The following APBA1 variants were observed in gnomAD, a reference collection of about 807,000 sequenced individuals.
APBA1 encodes the protein amyloid-beta A4 precursor protein-binding family A member 1.
In APBA1, 55 loss-of-function variants were observed where a neutral mutation model predicts 86.6. The ratio of observed to expected loss-of-function variants is 0.64; its 90% CI spans 0.51 to 0.80. APBA1 has a LOEUF of 0.80. APBA1 is among the 30% of genes least tolerant of loss of function. APBA1 has a pLI of 0.00. For synonymous variants in APBA1, 511 were observed against 493.9 expected (o/e 1.03, Z -0.46); for missense variants, 1,090 against 1,183.0 (o/e 0.92, Z 1.15).
chr9:69,527,971 A>G (rs1836369320), intron 1 of APBA1, among the ~76,000 whole-genome samples: 1 of 152,166 alleles, frequency 6.6e-6, no homozygotes, highest in Non-Finnish European at 1.5e-5. Flanking sequence ...ATGTTCTCCA[A>G]ATATCAAGTA....
At chr9:69,456,992 G>C (rs1018654637) in intron 7 of APBA1, 61 bp downstream of exon 7, 59 of 1,362,108 alleles carry the variant, frequency 4.3e-5, no homozygotes, top group Non-Finnish European at 6.1e-5. Flanking sequence ...ACAGACACAT[G>C]CATCTCTGAG....
chr9:69,616,231 A>G (rs769397283), intron 1 of APBA1, among the ~76,000 whole-genome samples: 3 of 152,154 alleles, frequency 2.0e-5, no homozygotes, highest in Non-Finnish European at 2.9e-5. Context: ...AAATCACTCT[A>G]TATTTCTTGT....
At position 69,602,552 on chromosome 9, in the gene APBA1, C is replaced by T. The variant is rs566156913; in HGVS notation, c.-70+69601G>A. On this transcript the variant is annotated intron_variant, in intron 1 of 12. Transcript: ENST00000265381. ...CGCCACTGCATTCCAGCCTGGGTGA[C>T]GGAGAGAGACTCTGTCTCATTAAAA... Among the ~76,000 whole-genome samples, 197 of 151,540 alleles carry T rather than the reference C, an allele frequency of 1.3e-3. 1 individual carries two copies. Among genetic ancestry groups the T allele is most frequent in the African/African-American group, 4.6e-3 (188 of 41,258 alleles).
chr9:69,457,351 G>A (rs373879344), intron 6 of APBA1, among the ~76,000 whole-genome samples: 3 of 152,148 alleles, frequency 2.0e-5, no homozygotes, highest in African/African-American at 4.8e-5. Context: ...GGAAAAATGC[G>A]GAATCCCCTT....
chr9:69,591,458 A>G lies in APBA1; in HGVS notation c.-69-74179T>C, dbSNP rs1049375365. ...GTCTGCCACTTCTTCTGAATGCTCA[A>G]CATAGAAGCTTGTCAACAATATGAA... On this transcript the variant is annotated intron_variant, in intron 1 of 12. Coordinates refer to ENST00000265381, the MANE Select transcript of APBA1 (RefSeq NM_001163.4). Among the ~76,000 whole-genome samples, 8 of 152,354 alleles carry G rather than the reference A, an allele frequency of 5.3e-5. 1 individual carries two copies. The highest frequency in any genetic ancestry group is 4.4e-5 in the Non-Finnish European group (3 of 68,030).
rs73647217 is a variant in APBA1 at position 69,430,560 on chromosome 9, T to A, written c.*767A>T. Reference sequence around the variant, plus strand: ...GGGACTGTGTGTGTGTGTGTGTGTGTGAGAGAGAGAGAAGCAGACAGTACC... The same window carrying A: ...GGGACTGTGTGTGTGTGTGTGTGTGAGAGAGAGAGAGAAGCAGACAGTACC... On this transcript the variant is annotated 3_prime_UTR_variant, in exon 13 of 13. Transcript: ENST00000265381. The A allele has an allele frequency of 2.2e-3, 312 of 140,212 alleles. 2 individuals are homozygous for A. The highest frequency in any genetic ancestry group is 3.2e-3 in the East Asian group (15 of 4,680). 8.7% of individuals were successfully genotyped at this position (140,212 alleles called of 1,614,324 possible).
At chr9:69,485,925 C>T (rs1007593594) in intron 2 of APBA1, among the ~76,000 whole-genome samples, 1 of 152,002 alleles carries the variant, frequency 6.6e-6, no homozygotes, top group African/African-American at 2.4e-5. Flanking sequence ...ATAAAAGTAT[C>T]CCAAGGCAAA....
chr9:69,553,619 C>G (rs1836820864), intron 1 of APBA1, among the ~76,000 whole-genome samples: 1 of 152,192 alleles, frequency 6.6e-6, no homozygotes, highest in Non-Finnish European at 1.5e-5. Flanking sequence ...CATTATTTTA[C>G]TGATGCACAT....
intron 1 of APBA1, among the ~76,000 whole-genome samples, chr9:69,556,382 C>A (rs1256018011): frequency 6.6e-6 from 1 of 152,058 alleles, no homozygotes; most frequent in Non-Finnish European, 1.5e-5. Flanking sequence ...CAGAGAGATC[C>A]TGGACACACC....
In APBA1 at chr9:69,600,169, C is replaced by G. The variant is rs370425625; in HGVS notation, c.-70+71984G>C. ...AAAATTGGGACTCCTGTTAACTCCCCTCTCTCTGCCTTCAAGGAAATGCAA... is the reference window on the plus strand; with the variant it reads ...AAAATTGGGACTCCTGTTAACTCCCGTCTCTCTGCCTTCAAGGAAATGCAA... On this transcript the variant is annotated intron_variant, in intron 1 of 12. Coordinates refer to ENST00000265381, the MANE Select transcript of APBA1 (RefSeq NM_001163.4). Among the ~76,000 whole-genome samples, 14 of 152,292 alleles carry G rather than the reference C, an allele frequency of 9.2e-5. No homozygotes were observed. In the South Asian group the frequency reaches 1.4e-3, roughly 16 times the overall value.
chr9:69,650,278 AG>A (rs1823472212), intron 1 of APBA1, among the ~76,000 whole-genome samples: 1 of 152,222 alleles, frequency 6.6e-6, no homozygotes, highest in African/African-American at 2.4e-5. Flanking sequence ...GAGTTAATGT[AG>A]GTTAAGTGCT....
chr9:69,551,021 G>A lies in APBA1; in HGVS notation c.-69-33742C>T, dbSNP rs567836804. Reference sequence around the variant, plus strand: ...AATATCTTAAAACCTTATCAGGAGCGTGTTAAACCTTAGCTATGAGAAAAA... The same window carrying A: ...AATATCTTAAAACCTTATCAGGAGCATGTTAAACCTTAGCTATGAGAAAAA... On this transcript the variant is annotated intron_variant, in intron 1 of 12. Transcript: ENST00000265381. Among the ~76,000 whole-genome samples, 561 of 152,192 alleles carry A rather than the reference G, an allele frequency of 3.7e-3. 5 individuals are homozygous for A. Among genetic ancestry groups the A allele is most frequent in the African/African-American group, 0.013 (529 of 41,540 alleles).
At position 69,456,356 on chromosome 9, in the gene APBA1, C is replaced by A. The variant is rs374176608; in HGVS notation, c.1679G>T (p.Arg560Leu). 6.2e-7 allele frequency: 1 copy of A among 1,614,038 alleles called. No homozygotes were observed. Among genetic ancestry groups the A allele is most frequent in the Non-Finnish European group, 8.5e-7 (1 of 1,179,970 alleles). The change falls in exon 8 of 13, where the codon CGC becomes CTC. Residue 560 changes from arginine to leucine, a missense_variant. Coordinates refer to ENST00000265381, the MANE Select transcript of APBA1 (RefSeq NM_001163.4). ...GGAGTTGGAGCGAGGCATCCGCCGG[C>A]GGGCCATCAGCACAACGATGTTCCC... ...DIGNIVVLMA[R>L]RRMPRSNSQE...
chr9:69,636,726 T>C (rs1468578980), intron 1 of APBA1, among the ~76,000 whole-genome samples: 2 of 147,918 alleles, frequency 1.4e-5, no homozygotes. Context: ...CCTGGAGAAG[T>C]TGAGGCTGCA....
chr9:69,663,454 T>C (rs1449423949), intron 1 of APBA1, among the ~76,000 whole-genome samples: 1 of 152,220 alleles, frequency 6.6e-6, no homozygotes. Flanking sequence ...TAAGTGGAAT[T>C]TCCTTAAATG....
At chr9:69,448,438 A>C (rs1313114877) in intron 10 of APBA1, among the ~76,000 whole-genome samples, 1 of 152,236 alleles carries the variant, frequency 6.6e-6, no homozygotes, top group Non-Finnish European at 1.5e-5. Context: ...ATTTAAGTAT[A>C]AGATATAAGA....
At chr9:69,632,835 G>A (rs886865383) in intron 1 of APBA1, among the ~76,000 whole-genome samples, 1 of 152,088 alleles carries the variant, frequency 6.6e-6, no homozygotes, top group Non-Finnish European at 1.5e-5. Flanking sequence ...TCAATTCTGT[G>A]ATCCAAACGA....
At chr9:69,632,013 G>T (rs1171380182) in intron 1 of APBA1, among the ~76,000 whole-genome samples, 1 of 151,880 alleles carries the variant, frequency 6.6e-6, no homozygotes, top group South Asian at 2.1e-4. Context: ...AAACCTGCAT[G>T]TTGTGCACAT....
intron 1 of APBA1, among the ~76,000 whole-genome samples, chr9:69,558,006 T>C (rs962699189): frequency 6.6e-6 from 1 of 152,218 alleles, no homozygotes; most frequent in Non-Finnish European, 1.5e-5. Flanking sequence ...GGCATACATG[T>C]TAGAATCTCT....
Sources: allele counts gnomAD v4.1 joint callset (sites outside exome capture counted in the v4.1 genomes callset), GRCh38; gene constraint gnomAD v4.1.1; transcripts MANE v1.5; gene names NCBI Gene and HGNC (gene_info 2026-07-23, HGNC 2026-07-21).